Variants in CIMIP6 observed in about 807,000 individuals in gnomAD.
CIMIP6 encodes uncharacterized protein C2orf73.
the CIMIP6 span, among the ~76,000 whole-genome samples, chr2:54,332,263 C>T: frequency 6.6e-6 from 1 of 152,164 alleles, no homozygotes; most frequent in African/African-American, 2.4e-5. Flanking sequence ...TACATACATA[C>T]ACTCCCTTTT....
chr2:54,363,646 A>T, the CIMIP6 span, among the ~76,000 whole-genome samples: 19 of 151,630 alleles, frequency 1.3e-4, no homozygotes, highest in South Asian at 2.1e-4. Flanking sequence ...AAATTTATTT[A>T]AAAATTTTTT....
At chr2:54,368,619 G>A in the CIMIP6 span, among the ~76,000 whole-genome samples, 1 of 152,230 alleles carries the variant, frequency 6.6e-6, no homozygotes, top group Non-Finnish European at 1.5e-5. Flanking sequence ...TAGTCAGTGT[G>A]ATTTATGGTG....
At chr2:54,352,820 G>A in the CIMIP6 span, among the ~76,000 whole-genome samples, 94 of 152,196 alleles carry the variant, frequency 6.2e-4, 1 homozygote, top group African/African-American at 1.9e-3. Context: ...AGTTGTTATC[G>A]TGTTTTTTAT....
At chr2:54,334,904 T>C in the CIMIP6 span, 2 of 1,576,128 alleles carry the variant, frequency 1.3e-6, no homozygotes, top group South Asian at 2.3e-5. Context: ...AAAGCATACA[T>C]CATTCAAAAT....
At chr2:54,354,164 TA>T in the CIMIP6 span, among the ~76,000 whole-genome samples, 1 of 152,146 alleles carries the variant, frequency 6.6e-6, no homozygotes, top group Admixed American at 6.6e-5. Flanking sequence ...ATTCCATATA[TA>T]AATGAGTTTG....
At chr2:54,345,694 C>G in the CIMIP6 span, among the ~76,000 whole-genome samples, 1 of 152,228 alleles carries the variant, frequency 6.6e-6, no homozygotes, top group East Asian at 1.9e-4. Flanking sequence ...ATACTCATAA[C>G]CAGTACTGTA....
the CIMIP6 span, among the ~76,000 whole-genome samples, chr2:54,356,470 C>A: frequency 2.6e-5 from 4 of 152,140 alleles, no homozygotes. Flanking sequence ...ACCTTCCTAC[C>A]CTCCAGTCCA....
chr2:54,345,311 G>A, the CIMIP6 span, among the ~76,000 whole-genome samples: 2 of 152,104 alleles, frequency 1.3e-5, no homozygotes, highest in African/African-American at 4.8e-5. Context: ...AAGGAGTTTG[G>A]GCTAGGGTAA....
the CIMIP6 span, among the ~76,000 whole-genome samples, chr2:54,359,603 T>TAAC: frequency 2.8e-5 from 4 of 142,214 alleles, no homozygotes; most frequent in African/African-American, 1.1e-4. Context: ...ATAACAATAA[T>TAAC]AATAATAATA....
At chr2:54,357,838 G>C in the CIMIP6 span, among the ~76,000 whole-genome samples, 1 of 151,204 alleles carries the variant, frequency 6.6e-6, no homozygotes, top group African/African-American at 2.4e-5. Context: ...GCCTGCCTCT[G>C]CCTCCCAAAG....
At chr2:54,340,404 G>A in the CIMIP6 span, among the ~76,000 whole-genome samples, 1 of 152,202 alleles carries the variant, frequency 6.6e-6, no homozygotes, top group Non-Finnish European at 1.5e-5. Flanking sequence ...CTCCATCCAT[G>A]TCTTTCCTTA....
the CIMIP6 span, among the ~76,000 whole-genome samples, chr2:54,335,256 A>G: frequency 6.6e-5 from 10 of 152,188 alleles, no homozygotes; most frequent in Admixed American, 3.9e-4. Flanking sequence ...GGGTCAGATT[A>G]TTGCCACAAA....
the CIMIP6 span, among the ~76,000 whole-genome samples, chr2:54,363,484 A>G: frequency 3.9e-5 from 6 of 152,242 alleles, no homozygotes; most frequent in East Asian, 1.2e-3. Context: ...CAAGTTGATA[A>G]ATGGCCCAAG....
At chr2:54,349,656 A>G in the CIMIP6 span, among the ~76,000 whole-genome samples, 3 of 152,104 alleles carry the variant, frequency 2.0e-5, no homozygotes, top group African/African-American at 7.2e-5. Flanking sequence ...AACAATCTGA[A>G]TATCTTCTTT....
chr2:54,354,960 A>G, the CIMIP6 span, among the ~76,000 whole-genome samples: 4 of 152,010 alleles, frequency 2.6e-5, no homozygotes, highest in South Asian at 2.1e-4. Context: ...TCTTCCTTAT[A>G]TATCAGACAT....
the CIMIP6 span, among the ~76,000 whole-genome samples, chr2:54,333,662 G>C: frequency 2.6e-5 from 4 of 152,242 alleles, no homozygotes; most frequent in Middle Eastern, 3.4e-3. Context: ...GCCGAGGCTG[G>C]CAGATCACCT....
chr2:54,366,201 G>A, the CIMIP6 span, among the ~76,000 whole-genome samples: 1 of 152,164 alleles, frequency 6.6e-6, no homozygotes, highest in Non-Finnish European at 1.5e-5. Flanking sequence ...AGCAGCATGT[G>A]CAACTTCTAA....
chr2:54,375,626 T>TAGAA, the CIMIP6 span, among the ~76,000 whole-genome samples: 1 of 152,218 alleles, frequency 6.6e-6, no homozygotes, highest in African/African-American at 2.4e-5. Flanking sequence ...CAGAAATAAC[T>TAGAA]ATACAAGAAA....
chr2:54,380,713 C>G, the CIMIP6 span, among the ~76,000 whole-genome samples: 1 of 152,218 alleles, frequency 6.6e-6, no homozygotes, highest in Non-Finnish European at 1.5e-5. Flanking sequence ...CCACACTTGC[C>G]TCTGACATAC....
Sources: gnomAD v4.1 joint callset for allele counts (sites outside exome capture counted in the v4.1 genomes callset) on GRCh38, gnomAD v4.1.1 for gene constraint, MANE v1.5 for transcripts, NCBI Gene and HGNC (gene_info 2026-07-23, HGNC 2026-07-21) for gene names.